BRD1: variants seen among roughly 807,000 people sequenced by gnomAD.
BRD1 encodes bromodomain containing 1.
A neutral mutation model predicts 107.7 loss-of-function variants in BRD1; 24 were observed. That is an observed-to-expected ratio of 0.22 (90% confidence interval 0.16 to 0.31). The LOEUF (loss-of-function observed/expected upper bound fraction) is 0.31. Ranked by LOEUF, BRD1 falls within the 10% of genes least tolerant of loss-of-function variation. The probability of loss-of-function intolerance (pLI) is 1.00; values close to 1 mark genes in which losing one functional copy is unlikely to be tolerated. For synonymous variants in BRD1, 744 were observed against 686.1 expected (o/e 1.08, Z -1.32); for missense variants, 1,279 against 1,638.6 (o/e 0.78, Z 3.79).
At chr22:49,774,555 T>G in intron 12 of BRD1, 139 bp from the exon 13 acceptor site, 1 of 970,548 alleles carries the variant, frequency 1.0e-6, no homozygotes, top group Admixed American at 2.7e-5. Context: ...CTGGGCCCCG[T>G]GCAGGGACAG....
rs1458160451 is a variant in BRD1 at position 49,774,244 on chromosome 22, C to T, written c.3559G>A (p.Asp1187Asn). 14 of 1,613,662 alleles carry T rather than the reference C, an allele frequency of 8.7e-6. No individual in the cohort carries two copies. The highest frequency in any genetic ancestry group is 1.7e-4 in the Middle Eastern group (1 of 6,052). ...TGGCGGCCGGGCCGTCAGTCAATGT[C>T]ACTGAGGTCGCTGGTCGGCTCCCCG... Reference protein sequence around the residue: ...VHGEPTSDLSDID With the variant: ...VHGEPTSDLSNID Residue 1187 changes from aspartate to asparagine, a missense_variant, in exon 13 of 13, where the codon GAC (aspartate) becomes AAC (asparagine). Physicochemically the swap from Asp to Asn is conservative, Grantham distance 23. Coordinates refer to ENST00000404760, the MANE Select transcript of BRD1 (RefSeq NM_001304808.3).
rs893884135 is a variant in BRD1 at position 49,824,448 on chromosome 22, A to C, written c.-14-117T>G. On this transcript the variant is annotated intron_variant, in intron 1 of 12. Transcript: ENST00000404760. This position sits in a 1 kb window ranked among gnomAD's most constrained non-coding sequence, Gnocchi z 5.9. ...GCAGCTCAAAGCCCAATCAAAGCAA[A>C]ACTCACAGCTAACCTCTTTCCAAGG... The C allele has an allele frequency of 1.4e-6, 2 of 1,470,534 alleles. No individual in the cohort carries two copies. The highest frequency in any genetic ancestry group is 1.8e-6 in the Non-Finnish European group (2 of 1,118,208). The allele number at this position is 1,470,534 out of a possible 1,614,324, so 91.1% of individuals were successfully genotyped here.
intron 8 of BRD1, among the ~76,000 whole-genome samples, chr22:49,778,264 CAGG>C (rs1313662998): frequency 6.6e-6 from 1 of 152,242 alleles, no homozygotes; most frequent in Non-Finnish European, 1.5e-5. Flanking sequence ...AACATGTTCA[CAGG>C]AGCAGAGCTC....
At chr22:49,776,236 G>GC (rs1744772754) in intron 10 of BRD1, 77 bp from the exon 11 acceptor site, 1 of 1,321,508 alleles carries the variant, frequency 7.6e-7, no homozygotes. Context: ...AAAAGGTGCA[G>GC]CAACAGGGTG....
intron 2 of BRD1, 62 bp downstream of exon 2, chr22:49,822,889 C>A: frequency 6.4e-7 from 1 of 1,568,640 alleles, no homozygotes; most frequent in Non-Finnish European, 8.6e-7. Context: ...AGGCTGTGCC[C>A]ACGTCCTCCC....
At chr22:49,784,405 G>T (rs2059281188) in intron 8 of BRD1, among the ~76,000 whole-genome samples, 1 of 152,210 alleles carries the variant, frequency 6.6e-6, no homozygotes, top group Admixed American at 6.5e-5. Flanking sequence ...CGCTTCAGGT[G>T]ACGGTTCACT....
chr22:49,823,987 G>A lies in BRD1; in HGVS notation c.331C>T (p.Pro111Ser). Residue 111 changes from proline (P) to serine (S), a missense_variant, in exon 2 of 13, where the codon CCG (proline) becomes TCG (serine). Transcript: ENST00000404760. Reference sequence around the variant, plus strand: ...TCCGGGAGGGCACTGGCCGAGGCCGGCGTGCCGTGGGCGCTGGGGAGGGCC... The same window carrying A: ...TCCGGGAGGGCACTGGCCGAGGCCGACGTGCCGTGGGCGCTGGGGAGGGCC... ...NEALPSAHGT[P>S]ASASALPEPK... 6.2e-7 allele frequency: 1 copy of A among 1,614,016 alleles called. No individual in the cohort carries two copies. The highest frequency in any genetic ancestry group is 8.5e-7 in the Non-Finnish European group (1 of 1,180,042).
rs1264151368 is a variant in BRD1 at position 49,777,710 on chromosome 22, G to T, written c.2961C>A (p.Ile987=). The change falls in exon 9 of 13, where the codon ATC becomes ATA. Residue 987 remains isoleucine, a synonymous_variant. Transcript: ENST00000404760. ...CGCAGAGCGGGCTGTTGCTGGAGGA[G>T]ATGCTGGACTCGGAGGCACAGCGTC... ...PRRRCASESS[I]SSSNSPLCDS... 1 of 1,608,540 alleles carries T rather than the reference G, an allele frequency of 6.2e-7. No homozygotes were observed. The highest frequency in any genetic ancestry group is 1.7e-5 in the Admixed American group (1 of 59,610).
At chr22:49,787,315 C>A (rs1316024168) in intron 8 of BRD1, 75 bp downstream of exon 8, 13 of 834,876 alleles carry the variant, frequency 1.6e-5, no homozygotes, top group South Asian at 6.7e-5. Context: ...CCCCCCCCGT[C>A]ACACCAATGA....
rs765328796 is a variant in BRD1, at chr22:49,824,053, T to C, written c.265A>G (p.Thr89Ala). 1 of 1,613,958 alleles carries C rather than the reference T, an allele frequency of 6.2e-7. No individual in the cohort carries two copies. The highest frequency in any genetic ancestry group is 8.5e-7 in the Non-Finnish European group (1 of 1,180,030). Residue 89 changes from threonine to alanine, a missense_variant, in exon 2 of 13, where the codon ACT becomes GCT. Transcript: ENST00000404760. The surrounding 1 kb of genome is among the most constrained non-coding windows in gnomAD (Gnocchi z 5.9). ...NSERPPVCLR[T>A]KRHKNNRVKK... ...ACTCTGTTGTTTTTGTGACGCTTAG[T>C]TCTTAAGCAGACAGGAGGCCGCTCG...
At position 49,798,972 on chromosome 22, in the gene BRD1, ACAGGCC is replaced by A. The variant is rs753497778; in HGVS notation, c.1656+10_1656+15del. ...TGGCCAGTGGTGCACTCCACGCGGGACAGGCCCAGCCCCACCTGCTCACGCTTGAGC... is the reference window on the plus strand; with the variant it reads ...TGGCCAGTGGTGCACTCCACGCGGGACAGCCCCACCTGCTCACGCTTGAGC... On this transcript the variant is annotated intron_variant, in intron 4 of 12. Transcript: ENST00000404760. 9.2e-5 allele frequency: 147 copies of A among 1,594,874 alleles called. No individual in the cohort carries two copies. The highest frequency in any genetic ancestry group is 1.2e-4 in the Non-Finnish European group (142 of 1,171,010).
At chr22:49,785,005 T>C (rs984452556) in intron 8 of BRD1, among the ~76,000 whole-genome samples, 21 of 152,324 alleles carry the variant, frequency 1.4e-4, no homozygotes, top group African/African-American at 4.8e-4. Flanking sequence ...GAGGGCACCA[T>C]GATTCTCAAA....
intron 2 of BRD1, 83 bp from the exon 3 acceptor site, chr22:49,804,443 C>G (rs1321135474): frequency 1.4e-6 from 2 of 1,436,278 alleles, no homozygotes; most frequent in Non-Finnish European, 1.9e-6. Context: ...AGTACTACTG[C>G]TAACAAAACC....
intron 1 of BRD1, among the ~76,000 whole-genome samples, chr22:49,826,532 C>A (rs2060150114): frequency 6.6e-6 from 1 of 152,208 alleles, no homozygotes; most frequent in South Asian, 2.1e-4. Context: ...AAGAGCCCTG[C>A]GGGCCACAGG....
rs879257008 is a variant in BRD1 at position 49,797,683 on chromosome 22, G to A, written c.2098+122C>T. 2.2e-5 allele frequency: 20 copies of A among 924,532 alleles called. No homozygotes were observed. The Admixed American group carries it at 6.0e-4, about 28-fold the overall frequency. 57.3% of individuals were successfully genotyped at this position (924,532 alleles called of 1,614,324 possible). A position where few individuals can be genotyped will look rare whatever the true frequency, so the allele number is the denominator to read the frequency against. ...GAGGCTACTAGAAAATGTAAATGAT[G>A]TATGCGGTTGCATGCTAGTGGCTCC... is the stretch of plus-strand genomic sequence containing the variant. On this transcript the variant is annotated intron_variant, in intron 6 of 12. Coordinates refer to ENST00000404760, the MANE Select transcript of BRD1 (RefSeq NM_001304808.3).
intron 4 of BRD1, 93 bp from the exon 5 acceptor site, chr22:49,798,779 C>T: frequency 6.9e-7 from 1 of 1,458,842 alleles, no homozygotes; most frequent in African/African-American, 1.4e-5. Flanking sequence ...CCCCCACAGG[C>T]TCCTGTGCTT....
chr22:49,789,447 G>A (rs1331755820), intron 7 of BRD1, among the ~76,000 whole-genome samples: 3 of 152,096 alleles, frequency 2.0e-5, no homozygotes, highest in Non-Finnish European at 1.5e-5. Flanking sequence ...CACAGGGCCT[G>A]GGGCCTCACT....
At chr22:49,798,323 C>T (rs1601669710) in intron 5 of BRD1, among the ~76,000 whole-genome samples, 1 of 152,350 alleles carries the variant, frequency 6.6e-6, no homozygotes, top group African/African-American at 2.4e-5. Context: ...GGGTGCCGGG[C>T]GGATGCTGCC....
At position 49,816,746 on chromosome 22, in the gene BRD1, A is replaced by G. The variant is rs1049031904; in HGVS notation, c.1367+6205T>C. Among the ~76,000 whole-genome samples, 11 of 152,246 alleles carry G rather than the reference A, an allele frequency of 7.2e-5. No homozygotes were observed. The East Asian group carries it at 2.1e-3, about 29-fold the overall frequency. ...AGACCCTGTCTCTATAAAATAGACT[A>G]GGGCCAGGTGGCCTCCAACACTGCA... is the stretch of plus-strand genomic sequence containing the variant. On this transcript the variant is annotated intron_variant, in intron 2 of 12. Transcript: ENST00000404760.
Sources: allele counts gnomAD v4.1 joint callset (sites outside exome capture counted in the v4.1 genomes callset), GRCh38; gene constraint gnomAD v4.1.1; non-coding constraint Gnocchi (gnomAD v3.1); transcripts MANE v1.5; gene names NCBI Gene and HGNC (gene_info 2026-07-23, HGNC 2026-07-21).